NKAIN2: variants seen among roughly 807,000 people sequenced by gnomAD.
The protein encoded by NKAIN2 is sodium/potassium-transporting ATPase subunit beta-1-interacting protein 2.
NKAIN2 carries 14 observed loss-of-function variants against 32.6 expected under a neutral mutation model. That is an observed-to-expected ratio of 0.43 (90% CI 0.28 to 0.67). NKAIN2 has a LOEUF of 0.67. NKAIN2 is among the 30% of genes least tolerant of loss of function. The pLI, the probability that NKAIN2 is intolerant of heterozygous loss-of-function variation, is 0.17. For missense variants in NKAIN2, 198 were observed against 258.3 expected (o/e 0.77, Z 1.60); for synonymous variants, 80 against 87.2 (o/e 0.92, Z 0.46).
intron 1 of NKAIN2, among the ~76,000 whole-genome samples, chr6:123,859,719 T>C (rs140436054): frequency 6.6e-6 from 1 of 152,328 alleles, no homozygotes; most frequent in African/African-American, 2.4e-5. Flanking sequence ...AGATGGAGTC[T>C]CGCTCTTGTC....
At chr6:124,340,870 A>C (rs944104690) in intron 2 of NKAIN2, among the ~76,000 whole-genome samples, 1 of 152,182 alleles carries the variant, frequency 6.6e-6, no homozygotes, top group African/African-American at 2.4e-5. Context: ...AATGTTTTGC[A>C]CCAGTAAAGG....
chr6:124,384,564 CT>C (rs1426384723), intron 3 of NKAIN2, among the ~76,000 whole-genome samples: 5 of 152,148 alleles, frequency 3.3e-5, no homozygotes, highest in Non-Finnish European at 7.3e-5. Flanking sequence ...AGGCCTAATA[CT>C]TATGGCTTGT....
chr6:124,165,598 G>A (rs1295426657), intron 1 of NKAIN2, among the ~76,000 whole-genome samples: 1 of 151,060 alleles, frequency 6.6e-6, no homozygotes, highest in Non-Finnish European at 1.5e-5. Flanking sequence ...CATGTGCCAT[G>A]CTGGTGTGCT....
intron 3 of NKAIN2, among the ~76,000 whole-genome samples, chr6:124,644,397 GCTTTT>G (rs1225769635): frequency 7.2e-6 from 1 of 139,504 alleles, no homozygotes; most frequent in Non-Finnish European, 1.6e-5. Flanking sequence ...TTTTGTTTGT[GCTTTT>G]CTTTTCTTTT....
intron 4 of NKAIN2, among the ~76,000 whole-genome samples, chr6:124,700,546 G>A (rs9388359): frequency 0.65 from 98,858 of 151,914 alleles, 32,717 homozygotes; most frequent in East Asian, 0.75. Context: ...TTTTATTTCT[G>A]CCAGCTTTCT....
chr6:124,271,533 C>T (rs1054655304), intron 1 of NKAIN2, among the ~76,000 whole-genome samples: 10 of 152,116 alleles, frequency 6.6e-5, no homozygotes, highest in African/African-American at 2.4e-4. Context: ...CCTTTCTTTA[C>T]AAATTACCCA....
intron 1 of NKAIN2, among the ~76,000 whole-genome samples, chr6:124,192,985 G>A (rs1233324048): frequency 6.6e-6 from 1 of 152,002 alleles, no homozygotes; most frequent in Non-Finnish European, 1.5e-5. Flanking sequence ...TCCTGACCTC[G>A]TGATCCGCTC....
chr6:124,424,384 G>A (rs948553119), intron 3 of NKAIN2, among the ~76,000 whole-genome samples: 1 of 152,034 alleles, frequency 6.6e-6, no homozygotes, highest in Admixed American at 6.6e-5. Flanking sequence ...AGTTACTACT[G>A]TGTGTGTGTA....
chr6:124,647,498 A>G (rs957217876), intron 3 of NKAIN2, among the ~76,000 whole-genome samples: 1 of 143,092 alleles, frequency 7.0e-6, no homozygotes, highest in African/African-American at 2.5e-5. Context: ...GACTCTGTCA[A>G]AAAAAAAAAA....
chr6:123,999,829 A>G (rs115540320), intron 1 of NKAIN2, among the ~76,000 whole-genome samples: 2,514 of 152,122 alleles, frequency 0.017, 77 homozygotes, highest in African/African-American at 0.057. Context: ...ATTAGACTTA[A>G]TTTGGCAGGG....
intron 3 of NKAIN2, among the ~76,000 whole-genome samples, chr6:124,531,871 A>G (rs536088723): frequency 2.3e-3 from 344 of 152,262 alleles, no homozygotes; most frequent in African/African-American, 7.5e-3. Flanking sequence ...GGGTTTCACC[A>G]TGTTGGCAAA....
At chr6:123,963,245 G>A (rs1304316802) in intron 1 of NKAIN2, among the ~76,000 whole-genome samples, 2 of 152,100 alleles carry the variant, frequency 1.3e-5, no homozygotes, top group Non-Finnish European at 2.9e-5. Context: ...AATTTTTAAT[G>A]TTTTTGGAGT....
chr6:124,160,397 T>A (rs1026036249), intron 1 of NKAIN2, among the ~76,000 whole-genome samples: 2 of 152,154 alleles, frequency 1.3e-5, no homozygotes, highest in Non-Finnish European at 2.9e-5. Context: ...ATTCAGGTTT[T>A]CCTTGAAAGA....
rs1205303294 is a variant in NKAIN2, at chr6:124,192,741, G to GTTT, written c.55-90240_55-90238dup. On this transcript the variant is annotated intron_variant, in intron 1 of 6. Transcript: ENST00000368417. ...TCTATTTCTCTCCTTAGTTCCATCC[G>GTTT]TTTTTTTTTTTTTTTTTTTTTTTTT... 4.4e-4 allele frequency among the ~76,000 whole-genome samples: 34 copies of GTTT among 77,204 alleles called. 1 individual carries two copies. The highest frequency in any genetic ancestry group is 6.5e-4 in the Non-Finnish European group (26 of 39,858). 50.6% of individuals were successfully genotyped at this position (77,204 alleles called of 152,430 possible). A position where few individuals can be genotyped will look rare whatever the true frequency, so the allele number is the denominator to read the frequency against.
At position 123,991,154 on chromosome 6, in the gene NKAIN2, T is replaced by G. The variant is rs190409573; in HGVS notation, c.54+186900T>G. The stretch of plus-strand genomic sequence containing the variant: ...TTTCTTCTTAAGGAAATAAAAAGAT[T>G]GACTTGAGCCAATTTTTATCTGAGG... On this transcript the variant is annotated intron_variant, in intron 1 of 6. Transcript: ENST00000368417. 6.6e-5 allele frequency among the ~76,000 whole-genome samples: 10 copies of G among 152,318 alleles called. No homozygotes were observed. The East Asian group carries it at 1.5e-3, about 23-fold the overall frequency.
intron 1 of NKAIN2, among the ~76,000 whole-genome samples, chr6:124,110,639 A>G (rs920788690): frequency 2.0e-5 from 3 of 152,112 alleles, no homozygotes; most frequent in Non-Finnish European, 4.4e-5. Flanking sequence ...CAGTAAGAAC[A>G]TGTAATTTTT....
chr6:123,871,069 CACA>C (rs1210684434), intron 1 of NKAIN2, among the ~76,000 whole-genome samples: 2 of 152,048 alleles, frequency 1.3e-5, no homozygotes, highest in African/African-American at 4.8e-5. Flanking sequence ...ATTCATTTCC[CACA>C]ACAAGAACTG....
At chr6:123,871,470 C>G (rs1372094062) in intron 1 of NKAIN2, among the ~76,000 whole-genome samples, 1 of 152,170 alleles carries the variant, frequency 6.6e-6, no homozygotes. Context: ...GCCTTCATCA[C>G]CGTCACCTCC....
chr6:124,693,232 T>C (rs1195756836), intron 4 of NKAIN2, among the ~76,000 whole-genome samples: 2 of 152,214 alleles, frequency 1.3e-5, no homozygotes, highest in East Asian at 3.9e-4. Context: ...GTATGTTTTC[T>C]AGGTTTAGAC....
Sources: allele counts gnomAD v4.1 joint callset (sites outside exome capture counted in the v4.1 genomes callset), GRCh38; gene constraint gnomAD v4.1.1; transcripts MANE v1.5; gene names NCBI Gene and HGNC (gene_info 2026-07-23, HGNC 2026-07-21).